SLC5A3: variants seen among roughly 807,000 people sequenced by gnomAD.
SLC5A3 encodes the protein sodium/myo-inositol cotransporter.
Under a neutral mutation model 43.2 loss-of-function variants are expected in SLC5A3, and 10 were observed. The observed-to-expected ratio is 0.23, with a 90% CI of 0.14 to 0.39. The LOEUF (loss-of-function observed/expected upper bound fraction) is 0.39. SLC5A3 is among the 10% of genes least tolerant of loss of function. SLC5A3 has a pLI of 1.00. For synonymous variants in SLC5A3, 349 were observed against 322.0 expected (o/e 1.08, Z -0.90); for missense variants, 608 against 893.4 (o/e 0.68, Z 4.07).
At position 34,099,477 on chromosome 21, in the gene SLC5A3, A is replaced by C; in HGVS notation, c.*2122A>C. The C allele has an allele frequency of 4.0e-6, 4 of 1,000,050 alleles. No homozygotes were observed. The highest frequency in any genetic ancestry group is 4.8e-6 in the Non-Finnish European group (4 of 829,886). 61.9% of individuals were successfully genotyped at this position (1,000,050 alleles called of 1,614,324 possible). On this transcript the variant is annotated 3_prime_UTR_variant, in exon 2 of 2. Coordinates refer to ENST00000381151, the MANE Select transcript of SLC5A3 (RefSeq NM_006933.7). ...ATAAGATCTTGGATTTTTCAAATTA[A>C]CATTAAGTTGTAAGAACTAAAATTT...
chr21:34,075,087 G>A (rs191266137), intron 1 of SLC5A3, among the ~76,000 whole-genome samples: 1 of 152,326 alleles, frequency 6.6e-6, no homozygotes, highest in Non-Finnish European at 1.5e-5. Context: ...CGAAAGGATA[G>A]GAGCAGTGAA....
chr21:34,093,842 GA>G (rs1432472029), intron 1 of SLC5A3, among the ~76,000 whole-genome samples: 1 of 152,094 alleles, frequency 6.6e-6, no homozygotes, highest in Non-Finnish European at 1.5e-5. Context: ...ATCCAGAACT[GA>G]AAAATTCCTG....
In SLC5A3 at chr21:34,098,574, A is replaced by G. The variant is rs186562174; in HGVS notation, c.*1219A>G. 2.7e-4 allele frequency: 270 copies of G among 1,000,024 alleles called. 2 individuals are homozygous for G. The African/African-American group carries it at 4.3e-3, about 16-fold the overall frequency. 61.9% of individuals were successfully genotyped at this position (1,000,024 alleles called of 1,614,324 possible). On this transcript the variant is annotated 3_prime_UTR_variant, in exon 2 of 2. Transcript: ENST00000381151. Reference sequence around the variant, plus strand: ...GCAAACTGGCCGTCGGTAACAGAAAACTCAGTGCATACTTTGCTGTTGTTA... The same window carrying G: ...GCAAACTGGCCGTCGGTAACAGAAAGCTCAGTGCATACTTTGCTGTTGTTA...
At chr21:34,089,114 CCT>C (rs1380936293) in intron 1 of SLC5A3, among the ~76,000 whole-genome samples, 4 of 151,550 alleles carry the variant, frequency 2.6e-5, no homozygotes, top group African/African-American at 4.9e-5. Flanking sequence ...GCAACCTCCA[CCT>C]CTCTGGGTTC....
intron 1 of SLC5A3, among the ~76,000 whole-genome samples, chr21:34,093,650 A>T (rs16991192): frequency 0.068 from 10,282 of 152,272 alleles, 1,172 homozygotes; most frequent in African/African-American, 0.23. Flanking sequence ...GAAATCATTT[A>T]GAAGTTAATG....
At chr21:34,087,253 G>A (rs138936313) in intron 1 of SLC5A3, among the ~76,000 whole-genome samples, 1 of 61,808 alleles carries the variant, frequency 1.6e-5, no homozygotes, top group African/African-American at 6.9e-5. Flanking sequence ...GGAGGAGGGA[G>A]GAGGCTCTTT....
Position 34,095,589 on chromosome 21 carries a change from C to T in SLC5A3, c.391C>T (p.Leu131=), listed in dbSNP as rs1337138771. The T allele has an allele frequency of 6.2e-7, 1 of 1,613,530 alleles. No individual in the cohort carries two copies. The highest frequency in any genetic ancestry group is 1.1e-5 in the South Asian group (1 of 91,024). The change falls in exon 2 of 2, where the codon CTG becomes TTG. Residue 131 remains leucine, a synonymous_variant. Transcript: ENST00000381151. ...TCAGGTCTATTTTGCAGCCTTGTCT[C>T]TGATTCTCTATATTTTCACCAAGCT... ...RIQVYFAALS[L]ILYIFTKLSV...
rs143796321 is a variant in SLC5A3, at chr21:34,087,641, T to A, written c.-336-7222T>A. 2.2e-4 allele frequency among the ~76,000 whole-genome samples: 33 copies of A among 152,300 alleles called. 2 individuals carry two copies. The highest frequency in any genetic ancestry group is 7.5e-4 in the African/African-American group (31 of 41,568). ...AAGACGTAAAAGGAGAGGAGACAGGTCTTGTGGAAACCTGGGGTTACAAAG... is the reference window on the plus strand; with the variant it reads ...AAGACGTAAAAGGAGAGGAGACAGGACTTGTGGAAACCTGGGGTTACAAAG... On this transcript the variant is annotated intron_variant, in intron 1 of 1. Transcript: ENST00000381151.
At position 34,097,519 on chromosome 21, in the gene SLC5A3, A is replaced by T; in HGVS notation, c.*164A>T. ...ATTACAAGACTTTATTTTCCCAGAG[A>T]TGGATTAAAGTAAATCTTCAACTTA... On this transcript the variant is annotated 3_prime_UTR_variant, in exon 2 of 2. Transcript: ENST00000381151. 2 of 1,396,700 alleles carry T rather than the reference A, an allele frequency of 1.4e-6. No homozygotes were observed. The highest frequency in any genetic ancestry group is 1.9e-6 in the Non-Finnish European group (2 of 1,073,288). 86.5% of individuals were successfully genotyped at this position (1,396,700 alleles called of 1,614,324 possible).
At chr21:34,088,203 T>TC (rs36070165) in intron 1 of SLC5A3, among the ~76,000 whole-genome samples, 152,360 of 152,360 alleles carry the variant, frequency 1, 76,180 homozygotes, top group Non-Finnish European at 1. Context: ...TTAGATAGAA[T>TC]CTATAGCTGT....
chr21:34,077,034 A>AG (rs1989348382), intron 1 of SLC5A3, among the ~76,000 whole-genome samples: 1 of 152,188 alleles, frequency 6.6e-6, no homozygotes, highest in Non-Finnish European at 1.5e-5. Context: ...TGAGATGGTG[A>AG]GGTCTATATC....
At position 34,101,180 on chromosome 21, in the gene SLC5A3, C is replaced by A. The variant is rs1424341581; in HGVS notation, c.*3825C>A. 1.0e-6 allele frequency: 1 copy of A among 999,866 alleles called. No homozygotes were observed. The highest frequency in any genetic ancestry group is 1.7e-5 in the African/African-American group (1 of 57,168). 61.9% of individuals were successfully genotyped at this position (999,866 alleles called of 1,614,324 possible). A position where few individuals can be genotyped will look rare whatever the true frequency, so the allele number is the denominator to read the frequency against. ...TACCTGGGTGACACAGATATTAGCC[C>A]GTTGGTAAAAGACAACAAATATTAG... On this transcript the variant is annotated 3_prime_UTR_variant, in exon 2 of 2. Coordinates refer to ENST00000381151, the MANE Select transcript of SLC5A3 (RefSeq NM_006933.7).
chr21:34,084,233 C>T (rs537029473), intron 1 of SLC5A3, among the ~76,000 whole-genome samples: 5 of 151,904 alleles, frequency 3.3e-5, no homozygotes, highest in South Asian at 4.2e-4. Flanking sequence ...TCTGAATCTT[C>T]TATTTATAAC....
intron 1 of SLC5A3, among the ~76,000 whole-genome samples, chr21:34,091,591 T>C (rs986184495): frequency 6.6e-6 from 1 of 152,198 alleles, no homozygotes; most frequent in African/African-American, 2.4e-5. Flanking sequence ...GCAGCAAATA[T>C]TTATATTTAC....
Position 34,099,156 on chromosome 21 carries a change from G to A in SLC5A3, c.*1801G>A, listed in dbSNP as rs188434976. 4 of 999,194 alleles carry A rather than the reference G, an allele frequency of 4.0e-6. No individual in the cohort carries two copies. In the Admixed American group the frequency reaches 2.5e-4, roughly 61 times the overall value. The allele number at this position is 999,194 out of a possible 1,614,324, so 61.9% of individuals were successfully genotyped here. A position where few individuals can be genotyped will look rare whatever the true frequency, so the allele number is the denominator to read the frequency against. On this transcript the variant is annotated 3_prime_UTR_variant, in exon 2 of 2. Transcript: ENST00000381151. ...TGAAAAAATAATTTATGTATGAATA[G>A]CATGTATTTCTGAAGAGCTTAGAGT...
rs1263526130 is a variant in SLC5A3, at chr21:34,103,823, T to A, written c.*6468T>A. On this transcript the variant is annotated 3_prime_UTR_variant, in exon 2 of 2. Coordinates refer to ENST00000381151, the MANE Select transcript of SLC5A3 (RefSeq NM_006933.7). ...AGGGAGAGAATATAAATGTCAAGAA[T>A]GCCAAAATTATATTTGGGGGTTACT... The A allele has an allele frequency of 5.0e-6, 5 of 1,000,112 alleles. No homozygotes were observed. The highest frequency in any genetic ancestry group is 6.0e-6 in the Non-Finnish European group (5 of 829,912). The allele number at this position is 1,000,112 out of a possible 1,614,324, so 62.0% of individuals were successfully genotyped here.
At chr21:34,080,400 A>G (rs1989432186) in intron 1 of SLC5A3, among the ~76,000 whole-genome samples, 1 of 152,144 alleles carries the variant, frequency 6.6e-6, no homozygotes, top group East Asian at 1.9e-4. Context: ...CCAGTAAACA[A>G]AGTTGTGCAG....
At position 34,096,646 on chromosome 21, in the gene SLC5A3, T is replaced by G. The variant is rs755047769; in HGVS notation, c.1448T>G (p.Val483Gly). 1.4e-5 allele frequency: 23 copies of G among 1,613,984 alleles called. No individual in the cohort carries two copies. In the African/African-American group the frequency reaches 2.8e-4, roughly 20 times the overall value. ...GGMAGFVLGA[V>G]RLILAFAYRA... ...ATGGCTGGCTTTGTTCTTGGAGCAG[T>G]CCGTTTGATACTGGCCTTTGCCTAC... is the stretch of plus-strand genomic sequence containing the variant. Residue 483 changes from valine to glycine, a missense_variant, in exon 2 of 2, where the codon GTC (valine) becomes GGC (glycine). By Grantham distance (109) the Val-to-Gly change is moderately radical. This residue lies in a region of SLC5A3 where 398 missense variants were observed against 668.6 expected (regional missense o/e 0.60). Transcript: ENST00000381151. This position sits in a 1 kb window ranked among gnomAD's most constrained non-coding sequence, Gnocchi z 5.9.
At chr21:34,084,841 T>A (rs1471384583) in intron 1 of SLC5A3, among the ~76,000 whole-genome samples, 3 of 152,206 alleles carry the variant, frequency 2.0e-5, no homozygotes, top group Non-Finnish European at 4.4e-5. Context: ...ACTAAAAAAA[T>A]TTCAGACTTA....
Sources: gnomAD v4.1 joint callset for allele counts (sites outside exome capture counted in the v4.1 genomes callset) on GRCh38, gnomAD v4.1.1 for gene constraint, gnomAD v4.1.1 regional missense constraint, Gnocchi (gnomAD v3.1) non-coding constraint, MANE v1.5 for transcripts, NCBI Gene and HGNC (gene_info 2026-07-23, HGNC 2026-07-21) for gene names.